The following MYO18B variants were observed in gnomAD, a reference collection of about 807,000 sequenced individuals.
MYO18B encodes myosin XVIIIB, also known as unconventional myosin-XVIIIb.
In MYO18B, 204 loss-of-function variants were observed where a neutral mutation model predicts 273.0. The observed-to-expected ratio is 0.75, with a 90% CI of 0.67 to 0.84. The LOEUF is 0.84. Ranked by LOEUF, MYO18B falls within the 40% of genes least tolerant of loss-of-function variation. The pLI, the probability that MYO18B is intolerant of heterozygous loss-of-function variation, is 0.00. For missense variants in MYO18B, 3,212 were observed against 3,287.6 expected, an observed-to-expected ratio of 0.98 and a Z score of 0.56; for synonymous variants, 1,330 against 1,305.7, an observed-to-expected ratio of 1.02 and a Z score of -0.40.
At chr22:25,785,374 G>A in intron 10 of MYO18B, 54 bp from the exon 11 acceptor site, 2 of 1,544,966 alleles carry the variant, frequency 1.3e-6, no homozygotes, top group Non-Finnish European at 1.8e-6. Context: ...CACCTGCCCT[G>A]CCAGGGCTGG....
chr22:25,849,667 G>A lies in MYO18B; in HGVS notation c.3776-1803G>A, dbSNP rs116922117. ...TGGTAGGCACAGCTCCAACTCTGGA[G>A]GGAAATGGTTTGGCCTTGATTCTGG... On this transcript the variant is annotated intron_variant, in intron 20 of 43. Transcript: ENST00000335473. 9.0e-3 allele frequency among the ~76,000 whole-genome samples: 1,372 copies of A among 152,246 alleles called. 45 individuals are homozygous for A. In the East Asian group the frequency reaches 0.11, roughly 12 times the overall value.
chr22:25,804,694 A>G (rs1434403924), intron 12 of MYO18B, among the ~76,000 whole-genome samples: 2 of 152,234 alleles, frequency 1.3e-5, no homozygotes, highest in African/African-American at 2.4e-5. Context: ...GACACCCTCC[A>G]TATAAACTTC....
In MYO18B at chr22:25,754,898, A is replaced by G. The variant is rs571408894; in HGVS notation, c.-109-6086A>G. ...AGCCTCAGGGCTAAGGACAGCCCCT[A>G]CGACAGCCAGGATTCCCCCTGGAGC... On this transcript the variant is annotated intron_variant, in intron 1 of 43. Coordinates refer to ENST00000335473, the MANE Select transcript of MYO18B (RefSeq NM_032608.7). Among the ~76,000 whole-genome samples the G allele has an allele frequency of 4.7e-3, 715 of 152,302 alleles. 4 individuals carry two copies. Among genetic ancestry groups the G allele is most frequent in the Non-Finnish European group, 5.7e-3 (390 of 68,020 alleles).
At chr22:25,799,986 C>T (rs1437202465) in intron 12 of MYO18B, among the ~76,000 whole-genome samples, 1 of 152,156 alleles carries the variant, frequency 6.6e-6, no homozygotes, top group African/African-American at 2.4e-5. Flanking sequence ...TATACACACA[C>T]ACCATGGAAT....
At chr22:25,996,426 C>T (rs935439367) in intron 40 of MYO18B, among the ~76,000 whole-genome samples, 2 of 152,150 alleles carry the variant, frequency 1.3e-5, no homozygotes, top group Admixed American at 1.3e-4. Context: ...GGTTGAGTAA[C>T]TTGCCTGAAG....
rs369391223 is a variant in MYO18B, at chr22:26,003,309, T to G, written c.6332T>G (p.Met2111Arg). The part of the protein sequence containing the change: ...VDCGSSGRKE[M>R]DNVSILSSQP... ...TGTGGCAGCAGCGGCCGAAAAGAGATGTAAGTTAACCCCAGGTAGAACTGA... is the reference window on the plus strand; with the variant it reads ...TGTGGCAGCAGCGGCCGAAAAGAGAGGTAAGTTAACCCCAGGTAGAACTGA... Residue 2111 changes from methionine to arginine, a missense_variant and splice_region_variant, in exon 41 of 44, where the codon ATG becomes AGG. Coordinates refer to ENST00000335473, the MANE Select transcript of MYO18B (RefSeq NM_032608.7). 47 of 1,605,888 alleles carry G rather than the reference T, an allele frequency of 2.9e-5. No homozygotes were observed. Among genetic ancestry groups the G allele is most frequent in the Non-Finnish European group, 4.0e-5 (47 of 1,176,454 alleles).
chr22:25,836,931 C>T (rs565375937), intron 17 of MYO18B, among the ~76,000 whole-genome samples: 234 of 151,566 alleles, frequency 1.5e-3, no homozygotes, highest in African/African-American at 5.2e-3. Flanking sequence ...CAGGGCACTC[C>T]AGCCTGGACA....
chr22:25,831,962 A>G (rs1262306900), intron 15 of MYO18B, among the ~76,000 whole-genome samples: 1 of 152,182 alleles, frequency 6.6e-6, no homozygotes, highest in Non-Finnish European at 1.5e-5. Flanking sequence ...AATTAATTAA[A>G]CAGACATTTC....
In MYO18B at chr22:25,785,443, G is replaced by C; in HGVS notation, c.2328G>C (p.Leu776=). 1 of 1,610,886 alleles carries C rather than the reference G, an allele frequency of 6.2e-7. No homozygotes were observed. The highest frequency in any genetic ancestry group is 8.5e-7 in the Non-Finnish European group (1 of 1,178,672). The change falls in exon 11 of 44, where the codon CTG becomes CTC. Residue 776 remains leucine, a synonymous_variant. Coordinates refer to ENST00000335473, the MANE Select transcript of MYO18B (RefSeq NM_032608.7). Reference sequence around the variant, plus strand: ...GTGCTTCCAGGACGGAGCTGAACCTGCACCAGATGGCAGATAGCAGCTCCT... The same window carrying C: ...GTGCTTCCAGGACGGAGCTGAACCTCCACCAGATGGCAGATAGCAGCTCCT... ...LDLDLRTELN[L]HQMADSSSFG... is the part of the protein sequence containing the mutation.
chr22:25,998,122 G>A (rs1253602090), intron 40 of MYO18B, among the ~76,000 whole-genome samples: 1 of 152,200 alleles, frequency 6.6e-6, no homozygotes, highest in East Asian at 1.9e-4. Context: ...ACGTGGCTAC[G>A]TGCTCAGAAA....
intron 15 of MYO18B, among the ~76,000 whole-genome samples, chr22:25,831,141 C>T (rs13056441): frequency 0.46 from 70,152 of 151,926 alleles, 18,801 homozygotes; most frequent in Non-Finnish European, 0.6. Flanking sequence ...TTATGTTGTC[C>T]GTGGATTTTG....
chr22:25,796,843 C>CTT (rs1249489684), intron 11 of MYO18B, among the ~76,000 whole-genome samples: 1 of 152,230 alleles, frequency 6.6e-6, no homozygotes, highest in Admixed American at 6.5e-5. Flanking sequence ...AGCCCACGCC[C>CTT]TTTAGTATCA....
intron 22 of MYO18B, among the ~76,000 whole-genome samples, chr22:25,869,386 G>A (rs2090982240): frequency 6.7e-6 from 1 of 148,434 alleles, no homozygotes; most frequent in Non-Finnish European, 1.5e-5. Context: ...GGAGGCGAAG[G>A]TTGCGGTGAG....
intron 39 of MYO18B, among the ~76,000 whole-genome samples, chr22:25,978,496 T>A (rs1231421202): frequency 6.6e-6 from 1 of 152,158 alleles, no homozygotes; most frequent in Non-Finnish European, 1.5e-5. Context: ...TTAAAGGACT[T>A]GATATGCGAA....
At chr22:25,983,623 C>G (rs946820813) in intron 39 of MYO18B, 3 of 152,222 alleles carry the variant, frequency 2.0e-5, no homozygotes, top group Admixed American at 6.5e-5. Context: ...CAGAAAAGGA[C>G]ATTTCCTGGT....
intron 12 of MYO18B, among the ~76,000 whole-genome samples, chr22:25,815,467 G>A (rs774570976): frequency 6.6e-6 from 1 of 152,198 alleles, no homozygotes; most frequent in Non-Finnish European, 1.5e-5. Flanking sequence ...CACATTCAAT[G>A]TCTTATTTCA....
At chr22:25,984,267 T>G (rs2093178123) in intron 39 of MYO18B, among the ~76,000 whole-genome samples, 1 of 152,214 alleles carries the variant, frequency 6.6e-6, no homozygotes, top group African/African-American at 2.4e-5. Context: ...GGGTTCATCT[T>G]GTTCCAAAGC....
At chr22:26,054,200 G>T in the MYO18B span, among the ~76,000 whole-genome samples, 1 of 152,144 alleles carries the variant, frequency 6.6e-6, no homozygotes, top group Non-Finnish European at 1.5e-5. Context: ...AAATCCTGCA[G>T]CCCCAGGACA....
intron 34 of MYO18B, among the ~76,000 whole-genome samples, chr22:25,923,602 T>TC (rs2092379546): frequency 6.6e-6 from 1 of 152,204 alleles, no homozygotes; most frequent in Non-Finnish European, 1.5e-5. Flanking sequence ...GAGAGATGCT[T>TC]TTGACTCACA....
Sources: allele counts gnomAD v4.1 joint callset (sites outside exome capture counted in the v4.1 genomes callset), GRCh38; gene constraint gnomAD v4.1.1; transcripts MANE v1.5; gene names NCBI Gene and HGNC (gene_info 2026-07-23, HGNC 2026-07-21).